The following CDHR3 variants were observed in gnomAD, a reference collection of about 807,000 sequenced individuals.
The protein encoded by CDHR3 is cadherin-related family member 3.
Under a neutral mutation model 86.6 loss-of-function variants are expected in CDHR3, and 79 were observed. The observed-to-expected ratio is 0.91, with a 90% CI of 0.76 to 1.10. CDHR3 has a LOEUF of 1.10. CDHR3 is among the 50% of genes least tolerant of loss of function. The pLI is 0.00. For missense variants in CDHR3, 1,081 were observed against 1,077.6 expected (o/e 1.00, Z -0.04); for synonymous variants, 421 against 402.4 (o/e 1.05, Z -0.55).
chr7:105,980,605 T>A (rs1303247097), intron 2 of CDHR3, among the ~76,000 whole-genome samples: 885 of 32,974 alleles, frequency 0.027, 30 homozygotes, highest in African/African-American at 0.068. Flanking sequence ...TTTTTTTTTT[T>A]AATTTTTTTT....
At chr7:105,991,052 C>G (rs1178932714) in intron 4 of CDHR3, among the ~76,000 whole-genome samples, 1 of 152,206 alleles carries the variant, frequency 6.6e-6, no homozygotes, top group Non-Finnish European at 1.5e-5. Context: ...AACCAGAGAG[C>G]TTGTCTGACA....
At position 106,035,036 on chromosome 7, in the gene CDHR3, G is replaced by A. The variant is rs970127655; in HGVS notation, c.*2339G>A. On this transcript the variant is annotated 3_prime_UTR_variant, in exon 19 of 19. Coordinates refer to ENST00000317716, the MANE Select transcript of CDHR3 (RefSeq NM_152750.5). ...AGAAGTTGCAGTGGGCTGAGATTGC[G>A]CCACTGCACTCCAGCCTGGGTGACA... is the stretch of plus-strand genomic sequence containing the variant. Among the ~76,000 whole-genome samples the A allele has an allele frequency of 1.3e-4, 20 of 151,552 alleles. No individual in the cohort carries two copies. The highest frequency in any genetic ancestry group is 2.2e-4 in the African/African-American group (9 of 41,288).
intron 7 of CDHR3, among the ~76,000 whole-genome samples, chr7:106,004,171 C>T (rs114808695): frequency 0.011 from 1,637 of 152,250 alleles, 22 homozygotes; most frequent in African/African-American, 0.038. Context: ...CAATGTGTGC[C>T]TTTCAGTTAT....
chr7:105,973,743 G>A (rs2115633946), intron 1 of CDHR3, among the ~76,000 whole-genome samples: 1 of 152,190 alleles, frequency 6.6e-6, no homozygotes, highest in South Asian at 2.1e-4. Context: ...GAGGCAGGTG[G>A]ATCACTTGAG....
intron 18 of CDHR3, among the ~76,000 whole-genome samples, 175 bp downstream of exon 18, chr7:106,031,015 C>G (rs1426575531): frequency 6.6e-6 from 1 of 152,196 alleles, no homozygotes; most frequent in East Asian, 1.9e-4. Context: ...AGCTGTGAAC[C>G]CAGCTGGCTA....
chr7:105,983,906 T>C (rs1830151088), intron 3 of CDHR3, among the ~76,000 whole-genome samples: 1 of 152,098 alleles, frequency 6.6e-6, no homozygotes, highest in African/African-American at 2.4e-5. Context: ...ATCACCTCCT[T>C]CTTCCCCCAC....
chr7:105,963,739 T>C (rs1826402648), intron 1 of CDHR3, among the ~76,000 whole-genome samples: 1 of 152,216 alleles, frequency 6.6e-6, no homozygotes, highest in Non-Finnish European at 1.5e-5. Context: ...TGGAGGCTCG[T>C]AGGGCAACTT....
intron 16 of CDHR3, among the ~76,000 whole-genome samples, chr7:106,027,248 T>A (rs1302463641): frequency 1.3e-5 from 2 of 151,964 alleles, no homozygotes; most frequent in Admixed American, 1.3e-4. Flanking sequence ...ATACAAAAAA[T>A]TAGCCGGGCA....
At chr7:105,965,567 A>ACCCCCGCC (rs1554507728) in intron 1 of CDHR3, among the ~76,000 whole-genome samples, 2 of 78,194 alleles carry the variant, frequency 2.6e-5, no homozygotes, top group African/African-American at 7.8e-5. Flanking sequence ...CTCAAGCCCC[A>ACCCCCGCC]CCCCCCCCCA....
At chr7:105,998,692 G>C (rs1386105996) in intron 6 of CDHR3, among the ~76,000 whole-genome samples, 1 of 152,050 alleles carries the variant, frequency 6.6e-6, no homozygotes, top group Non-Finnish European at 1.5e-5. Flanking sequence ...GCTGAGACAG[G>C]AGAATCGCTT....
chr7:106,015,350 G>T, intron 10 of CDHR3, 137 bp downstream of exon 10: 1 of 652,706 alleles, frequency 1.5e-6, no homozygotes, highest in Non-Finnish European at 2.6e-6. Context: ...CCTCTTTCTC[G>T]GCTGAATTAC....
At position 106,017,122 on chromosome 7, in the gene CDHR3, G is replaced by A. The variant is rs1219148308; in HGVS notation, c.1427-724G>A. Among the ~76,000 whole-genome samples the A allele has an allele frequency of 3.3e-5, 5 of 152,226 alleles. No individual in the cohort carries two copies. The South Asian group carries it at 6.2e-4, about 19-fold the overall frequency. ...TTAACAATTATTTATTTTTAAAAGA[G>A]CAATTCATGCTCATTATAGAAAATT... is the stretch of plus-strand genomic sequence containing the variant. On this transcript the variant is annotated intron_variant, in intron 11 of 18. Coordinates refer to ENST00000317716, the MANE Select transcript of CDHR3 (RefSeq NM_152750.5).
chr7:105,994,640 C>G, intron 4 of CDHR3, 111 bp from the exon 5 acceptor site: 1 of 767,056 alleles, frequency 1.3e-6, no homozygotes, highest in Non-Finnish European at 2.3e-6. Flanking sequence ...CCTGATGCAT[C>G]GAGAACGTTC....
intron 17 of CDHR3, among the ~76,000 whole-genome samples, chr7:106,029,422 C>T (rs865812710): frequency 6.6e-6 from 1 of 152,130 alleles, no homozygotes; most frequent in Admixed American, 6.5e-5. Flanking sequence ...GGTTCCTCAC[C>T]TGTAAAATGG....
intron 4 of CDHR3, among the ~76,000 whole-genome samples, chr7:105,988,040 G>A (rs1049716053): frequency 2.0e-5 from 3 of 151,988 alleles, no homozygotes; most frequent in African/African-American, 7.3e-5. Context: ...ACAGGTGCCC[G>A]CCATCACACC....
chr7:106,001,719 C>T (rs372585477), intron 7 of CDHR3, 109 bp downstream of exon 7: 64 of 1,384,398 alleles, frequency 4.6e-5, no homozygotes, highest in South Asian at 2.6e-4. Flanking sequence ...TAGGATGCAC[C>T]GTGGATACCA....
chr7:106,012,256 G>A (rs1834923002), intron 8 of CDHR3, among the ~76,000 whole-genome samples: 1 of 152,120 alleles, frequency 6.6e-6, no homozygotes, highest in African/African-American at 2.4e-5. Flanking sequence ...ATAATGATGT[G>A]TGCTAGGAAT....
intron 8 of CDHR3, among the ~76,000 whole-genome samples, chr7:106,006,375 C>A (rs1833948689): frequency 6.6e-6 from 1 of 152,170 alleles, no homozygotes; most frequent in African/African-American, 2.4e-5. Flanking sequence ...CTCATTTCAG[C>A]ATTAACTCAA....
chr7:106,034,921 A>G lies in CDHR3; in HGVS notation c.*2224A>G, dbSNP rs1428145168. On this transcript the variant is annotated 3_prime_UTR_variant, in exon 19 of 19. Coordinates refer to ENST00000317716, the MANE Select transcript of CDHR3 (RefSeq NM_152750.5). ...GGTGAAACCCTGTCTCTACTAAAAA[A>G]TAGAAAAATTAGCTGGACGTGTTAG... is the stretch of plus-strand genomic sequence containing the variant. Among the ~76,000 whole-genome samples the G allele has an allele frequency of 6.6e-6, 1 of 152,126 alleles. No individual in the cohort carries two copies. Among genetic ancestry groups the G allele is most frequent in the Middle Eastern group, 3.2e-3 (1 of 316 alleles).
Sources: gnomAD v4.1 joint callset for allele counts (sites outside exome capture counted in the v4.1 genomes callset) on GRCh38, gnomAD v4.1.1 for gene constraint, MANE v1.5 for transcripts, NCBI Gene and HGNC (gene_info 2026-07-23, HGNC 2026-07-21) for gene names.